The following BBS7 variants were observed in gnomAD, a reference collection of about 807,000 sequenced individuals.
The protein encoded by BBS7 is Bardet-Biedl syndrome 7.
A neutral mutation model predicts 90.3 loss-of-function variants in BBS7; 50 were observed. The observed-to-expected ratio is 0.55, with a 90% CI of 0.44 to 0.70. BBS7 has a LOEUF of 0.70. BBS7 is among the 30% of genes least tolerant of loss of function. The pLI, the probability that BBS7 is intolerant of heterozygous loss-of-function variation, is 0.00. For synonymous variants in BBS7, 235 were observed against 287.4 expected, an observed-to-expected ratio of 0.82 and a Z score of 1.85; for missense variants, 729 against 838.9, an observed-to-expected ratio of 0.87 and a Z score of 1.62.
At chr4:121,847,943 GACCCTGTCTCAAAAAAA>G (rs1016496342) in intron 9 of BBS7, among the ~76,000 whole-genome samples, 10 of 151,552 alleles carry the variant, frequency 6.6e-5, no homozygotes, top group African/African-American at 2.2e-4. Context: ...AAGTTTTTGA[GACCCTGTCTCAAAAAAA>G]AAGTTTTTAT....
intron 8 of BBS7, among the ~76,000 whole-genome samples, chr4:121,849,253 A>T (rs7690095): frequency 6.6e-6 from 1 of 152,086 alleles, no homozygotes; most frequent in African/African-American, 2.4e-5. Context: ...CAGGCTGGAG[A>T]GCAGTGGTGC....
Position 121,863,263 on chromosome 4 carries a change from T to C in BBS7, c.119A>G (p.His40Arg). The change falls in exon 3 of 19, where the codon CAT (histidine) becomes CGT (arginine). Residue 40 changes from histidine (H) to arginine (R), a missense_variant. His to Arg is a conservative substitution (Grantham distance 29). Coordinates refer to ENST00000264499, the MANE Select transcript of BBS7 (RefSeq NM_176824.3). ...RATQKVVIGDHDGVVMCFGMK... is the reference protein window; with the variant it reads ...RATQKVVIGDRDGVVMCFGMK... ...GCCAAAGCACATAACTACCCCATCATGATCTCCAATAACCACCTGTAATAG... is the reference window on the plus strand; with the variant it reads ...GCCAAAGCACATAACTACCCCATCACGATCTCCAATAACCACCTGTAATAG... 1 of 1,613,694 alleles carries C rather than the reference T, an allele frequency of 6.2e-7. No individual in the cohort carries two copies.
Position 121,870,368 on chromosome 4 carries a change from C to T in BBS7, c.-55G>A. The stretch of plus-strand genomic sequence containing the variant: ...CGGACAAGAACAGGAGGGACAGAGG[C>T]TTCGGGCCCGCAGGCCTCCGACCCA... On this transcript the variant is annotated 5_prime_UTR_variant, in exon 1 of 19. Transcript: ENST00000264499. 6 of 1,607,896 alleles carry T rather than the reference C, an allele frequency of 3.7e-6. No individual in the cohort carries two copies. The highest frequency in any genetic ancestry group is 5.1e-6 in the Non-Finnish European group (6 of 1,174,558).
chr4:121,855,378 T>A, intron 6 of BBS7, 111 bp downstream of exon 6: 1 of 1,048,464 alleles, frequency 9.5e-7, no homozygotes, highest in Non-Finnish European at 1.5e-6. Flanking sequence ...TACTGGCAAG[T>A]TACCAGAAAG....
At position 121,828,215 on chromosome 4, in the gene BBS7, T is replaced by C. The variant is rs747314114; in HGVS notation, c.1945A>G (p.Ile649Val). ...TGTAGGTGATCTGCCTCTTCTAGAA[T>C]ACAGTGATATTCTGGTATCAGAAAG... ...TNFLIPEYHC[I>V]LEEADHLQEE... Residue 649 changes from isoleucine (I) to valine (V), a missense_variant, in exon 18 of 19, where the codon ATT (isoleucine) becomes GTT (valine). Coordinates refer to ENST00000264499, the MANE Select transcript of BBS7 (RefSeq NM_176824.3). The C allele has an allele frequency of 6.2e-7, 1 of 1,613,924 alleles. No individual in the cohort carries two copies. The highest frequency in any genetic ancestry group is 1.1e-5 in the South Asian group (1 of 91,074).
intron 13 of BBS7, among the ~76,000 whole-genome samples, chr4:121,839,068 C>T (rs184678439): frequency 8.7e-4 from 132 of 152,140 alleles, no homozygotes; most frequent in African/African-American, 3.1e-3. Context: ...CTATCTTAGA[C>T]ACATTAAATG....
chr4:121,845,748 T>C, intron 10 of BBS7, 52 bp from the exon 11 acceptor site: 1 of 1,487,820 alleles, frequency 6.7e-7, no homozygotes, highest in Non-Finnish European at 9.3e-7. Context: ...ACATTTGAGG[T>C]CGTTAGGATG....
Position 121,825,564 on chromosome 4 carries a change from T to C in BBS7, c.*296A>G, listed in dbSNP as rs1437074119. On this transcript the variant is annotated 3_prime_UTR_variant, in exon 19 of 19. Transcript: ENST00000264499. The stretch of plus-strand genomic sequence containing the variant: ...TAATACATTTGAATATATTTTAATT[T>C]TCCACATATTACTTCTCAATTTAAA... The C allele has an allele frequency of 7.1e-6, 2 of 280,372 alleles. No homozygotes were observed. Among genetic ancestry groups the C allele is most frequent in the Non-Finnish European group, 1.3e-5 (2 of 149,510 alleles). 17.4% of individuals were successfully genotyped at this position (280,372 alleles called of 1,614,324 possible). A position where few individuals can be genotyped will look rare whatever the true frequency, so the allele number is the denominator to read the frequency against.
intron 2 of BBS7, among the ~76,000 whole-genome samples, chr4:121,865,239 CTCTTT>C (rs1176787691): frequency 3.1e-5 from 3 of 95,892 alleles, no homozygotes; most frequent in Non-Finnish European, 6.9e-5. Flanking sequence ...ATTCTTCTCT[CTCTTT>C]TTTTTTTTTT....
At chr4:121,829,615 A>G (rs558376280) in intron 15 of BBS7, among the ~76,000 whole-genome samples, 1 of 152,266 alleles carries the variant, frequency 6.6e-6, no homozygotes, top group South Asian at 2.1e-4. Context: ...CTTCAGTTTC[A>G]GTGGCAATGG....
rs375135809 is a variant in BBS7, at chr4:121,827,100, GA to G, written c.2014+1045del. On this transcript the variant is annotated intron_variant, in intron 18 of 18. Transcript: ENST00000264499. ...AAGATTTTGCTGTCAAATTATTTAT[GA>G]AAAAAACTTTGGTTTACAAAGCTGT... 4.6e-4 allele frequency among the ~76,000 whole-genome samples: 70 copies of G among 152,246 alleles called. 2 individuals are homozygous for G. In the East Asian group the frequency reaches 7.7e-3, roughly 17 times the overall value.
intron 15 of BBS7, 28 bp downstream of exon 15, chr4:121,833,203 T>C (rs927751767): frequency 1.2e-6 from 2 of 1,609,174 alleles, no homozygotes; most frequent in Non-Finnish European, 1.7e-6. Context: ...AAAACAACAC[T>C]TGTGAACCAG....
intron 5 of BBS7, among the ~76,000 whole-genome samples, chr4:121,856,637 G>A (rs907961078): frequency 7.9e-5 from 12 of 151,996 alleles, no homozygotes; most frequent in Non-Finnish European, 1.3e-4. Context: ...GCTTGAACCC[G>A]GGAAGCAGAG....
At chr4:121,833,088 C>A (rs952382388) in intron 15 of BBS7, 143 bp downstream of exon 15, 13 of 763,268 alleles carry the variant, frequency 1.7e-5, no homozygotes, top group Middle Eastern at 7.6e-4. Context: ...TCTAAACTTA[C>A]TAATTTGATT....
chr4:121,833,433 G>C, intron 14 of BBS7, 38 bp from the exon 15 acceptor site: 1 of 1,579,712 alleles, frequency 6.3e-7, no homozygotes, highest in Non-Finnish European at 8.7e-7. Flanking sequence ...TTATGTGTGG[G>C]AATACATGAA....
intron 5 of BBS7, among the ~76,000 whole-genome samples, chr4:121,857,199 C>T (rs1298832951): frequency 2.7e-5 from 4 of 150,034 alleles, no homozygotes; most frequent in Non-Finnish European, 4.4e-5. Flanking sequence ...TCATAGCTTA[C>T]CGCAGCCTCG....
At chr4:121,839,732 C>G in intron 12 of BBS7, 36 bp from the exon 13 acceptor site, 1 of 1,567,844 alleles carries the variant, frequency 6.4e-7, no homozygotes, top group South Asian at 1.1e-5. Context: ...AAGAATGAAT[C>G]CATGTTTTTA....
intron 5 of BBS7, 120 bp downstream of exon 5, chr4:121,858,872 G>C (rs1049766200): frequency 5.5e-5 from 49 of 890,780 alleles, no homozygotes; most frequent in Non-Finnish European, 7.5e-5. Flanking sequence ...TTTAAAAATT[G>C]TTTCCACATG....
chr4:121,859,266 A>T, intron 4 of BBS7, 88 bp from the exon 5 acceptor site: 2 of 1,143,864 alleles, frequency 1.7e-6, no homozygotes, highest in Non-Finnish European at 2.6e-6. Flanking sequence ...TATACAGTTT[A>T]CTAACATTTT....
Sources: gnomAD v4.1 joint callset for allele counts (sites outside exome capture counted in the v4.1 genomes callset) on GRCh38, gnomAD v4.1.1 for gene constraint, MANE v1.5 for transcripts, NCBI Gene and HGNC (gene_info 2026-07-23, HGNC 2026-07-21) for gene names.